Variants in UNC5D observed in about 807,000 individuals in gnomAD.
The protein encoded by UNC5D is netrin receptor UNC5D.
UNC5D carries 39 observed loss-of-function variants against 105.4 expected under a neutral mutation model. The observed-to-expected ratio is 0.37, with a 90% confidence interval of 0.29 to 0.48. UNC5D has a LOEUF of 0.48. Among genes scored for constraint, UNC5D ranks in the 20% least tolerant of loss-of-function variants. The pLI is 0.98. For missense variants in UNC5D, 991 were observed against 1,202.4 expected, an observed-to-expected ratio of 0.82 and a Z score of 2.60; for synonymous variants, 452 against 450.4, an observed-to-expected ratio of 1.00 and a Z score of -0.04.
intron 1 of UNC5D, among the ~76,000 whole-genome samples, chr8:35,284,238 T>C (rs1032009130): frequency 6.6e-6 from 1 of 152,234 alleles, no homozygotes; most frequent in Admixed American, 6.5e-5. Context: ...CATAAGCAAC[T>C]TTTATTAACT....
intron 1 of UNC5D, among the ~76,000 whole-genome samples, chr8:35,291,264 T>C (rs527580651): frequency 1.7e-4 from 26 of 152,276 alleles, no homozygotes; most frequent in African/African-American, 5.8e-4. Flanking sequence ...AGTTTACCCA[T>C]GCAAATGGGA....
intron 7 of UNC5D, among the ~76,000 whole-genome samples, chr8:35,699,952 A>AGTT (rs879805287): frequency 5.3e-5 from 8 of 152,212 alleles, no homozygotes; most frequent in Non-Finnish European, 1.0e-4. Context: ...TGTATACAAG[A>AGTT]GTTGGAGCTT....
At chr8:35,248,887 T>TATATATAAACATATATA (rs1803434911) in intron 1 of UNC5D, among the ~76,000 whole-genome samples, 1 of 90,066 alleles carries the variant, frequency 1.1e-5, no homozygotes, top group Admixed American at 1.8e-4. Context: ...TATAATATAT[T>TATATATAAACATATATA]ATATAAATAT....
chr8:35,447,108 A>G (rs1807845973), intron 1 of UNC5D, among the ~76,000 whole-genome samples: 1 of 152,064 alleles, frequency 6.6e-6, no homozygotes, highest in South Asian at 2.1e-4. Context: ...TCTCCCTGTA[A>G]TAGCTTGTCT....
chr8:35,687,444 A>G (rs76584619), intron 7 of UNC5D, among the ~76,000 whole-genome samples: 1 of 149,674 alleles, frequency 6.7e-6, no homozygotes, highest in African/African-American at 2.5e-5. Context: ...TCCGTCTCAA[A>G]AAAAAAAAAA....
chr8:35,714,042 T>C (rs1828114042), intron 8 of UNC5D, among the ~76,000 whole-genome samples: 1 of 152,124 alleles, frequency 6.6e-6, no homozygotes, highest in Non-Finnish European at 1.5e-5. Flanking sequence ...GGTAAAATGG[T>C]TCAAAGTAAT....
intron 4 of UNC5D, among the ~76,000 whole-genome samples, chr8:35,667,196 A>G (rs149894904): frequency 9.3e-4 from 142 of 152,290 alleles, no homozygotes; most frequent in African/African-American, 3.1e-3. Context: ...ATTGCAGAAA[A>G]TAGGACAGTC....
rs1379282658 is a variant in UNC5D, at chr8:35,352,595, C to T, written c.103+116708C>T. ...TTGTTCTGTAAAGATTTTCTCAATG[C>T]TAGTATTTCTTTTTTGTTTGTTTGC... On this transcript the variant is annotated intron_variant, in intron 1 of 16. Transcript: ENST00000404895. Among the ~76,000 whole-genome samples the T allele has an allele frequency of 5.9e-5, 9 of 152,040 alleles. No homozygotes were observed. In the South Asian group the frequency reaches 1.9e-3, roughly 32 times the overall value.
At chr8:35,649,596 C>A (rs138363712) in intron 4 of UNC5D, among the ~76,000 whole-genome samples, 1 of 152,096 alleles carries the variant, frequency 6.6e-6, no homozygotes, top group Non-Finnish European at 1.5e-5. Flanking sequence ...ATAACCTGAC[C>A]GTGGAGAAAC....
intron 1 of UNC5D, among the ~76,000 whole-genome samples, chr8:35,364,926 A>T (rs974320525): frequency 6.6e-6 from 1 of 152,162 alleles, no homozygotes; most frequent in African/African-American, 2.4e-5. Flanking sequence ...ATCTGTGTGA[A>T]GTTCTTTTCA....
chr8:35,604,936 T>C (rs1388031627), intron 4 of UNC5D, among the ~76,000 whole-genome samples: 1 of 152,178 alleles, frequency 6.6e-6, no homozygotes, highest in East Asian at 1.9e-4. Flanking sequence ...ATTCTAGTTT[T>C]CCATTTGTCT....
At chr8:35,551,052 G>T (rs1816097441) in intron 2 of UNC5D, among the ~76,000 whole-genome samples, 1 of 152,114 alleles carries the variant, frequency 6.6e-6, no homozygotes, top group Non-Finnish European at 1.5e-5. Context: ...AGTTTTATGG[G>T]TATTTTGGTT....
intron 1 of UNC5D, among the ~76,000 whole-genome samples, chr8:35,380,209 G>C: frequency 6.6e-6 from 1 of 150,486 alleles, no homozygotes. Context: ...GAGAGAGAGA[G>C]AGAGAGAGAG....
At chr8:35,545,980 T>TACCCCCTGAGCTCAAGCGAGCCTCC (rs1294897729) in intron 1 of UNC5D, among the ~76,000 whole-genome samples, 15 of 152,096 alleles carry the variant, frequency 9.9e-5, no homozygotes, top group African/African-American at 2.9e-4. Context: ...CTGCAGCCTC[T>TACCCCCTGAGCTCAAGCGAGCCTCC]ACCCCCTGAG....
intron 11 of UNC5D, among the ~76,000 whole-genome samples, chr8:35,731,508 A>G (rs926972369): frequency 6.6e-6 from 1 of 151,946 alleles, no homozygotes; most frequent in Non-Finnish European, 1.5e-5. Context: ...GTGTATAGAT[A>G]GATGAGATCA....
intron 2 of UNC5D, among the ~76,000 whole-genome samples, chr8:35,557,660 G>A (rs1385246976): frequency 6.6e-6 from 1 of 152,000 alleles, no homozygotes; most frequent in Non-Finnish European, 1.5e-5. Flanking sequence ...AGATACATGT[G>A]TCCTTAAAAG....
chr8:35,418,977 G>A (rs569281032), intron 1 of UNC5D, among the ~76,000 whole-genome samples: 73 of 152,208 alleles, frequency 4.8e-4, no homozygotes, highest in Admixed American at 1.6e-3. Context: ...CTGCTCACTG[G>A]GACCCTGAGA....
At chr8:35,338,499 C>A (rs1468644485) in intron 1 of UNC5D, among the ~76,000 whole-genome samples, 1 of 152,004 alleles carries the variant, frequency 6.6e-6, no homozygotes, top group East Asian at 1.9e-4. Context: ...ACCAGCTCAT[C>A]TGAGCCAAGG....
At chr8:35,722,900 A>T (rs530482720) in intron 9 of UNC5D, among the ~76,000 whole-genome samples, 1 of 152,284 alleles carries the variant, frequency 6.6e-6, no homozygotes, top group East Asian at 1.9e-4. Flanking sequence ...AAAAAAATGA[A>T]ATTCCAGCCG....
Sources: allele counts gnomAD v4.1 joint callset (sites outside exome capture counted in the v4.1 genomes callset), GRCh38; gene constraint gnomAD v4.1.1; transcripts MANE v1.5; gene names NCBI Gene and HGNC (gene_info 2026-07-23, HGNC 2026-07-21).